The following SS18 variants were observed in gnomAD, a reference collection of about 807,000 sequenced individuals.
SS18 encodes protein SSXT.
In SS18, 28 loss-of-function variants were observed where a neutral mutation model predicts 72.5. The observed-to-expected ratio is 0.39, with a 90% CI of 0.29 to 0.53. The LOEUF (loss-of-function observed/expected upper bound fraction) is 0.53, where lower values mean the gene tolerates loss of function less well. Ranked by LOEUF, SS18 falls within the 20% of genes least tolerant of loss-of-function variation. The pLI is 0.76. For synonymous variants in SS18, 172 were observed against 164.2 expected, an observed-to-expected ratio of 1.05 and a Z score of -0.37; for missense variants, 518 against 535.3, an observed-to-expected ratio of 0.97 and a Z score of 0.32.
At chr18:26,049,030 G>A (rs2053877699) in intron 5 of SS18, among the ~76,000 whole-genome samples, 1 of 152,098 alleles carries the variant, frequency 6.6e-6, no homozygotes, top group Admixed American at 6.6e-5. Context: ...TAAGCTACAG[G>A]GGGCCAAGAC....
intron 2 of SS18, among the ~76,000 whole-genome samples, chr18:26,081,013 C>T (rs1295542937): frequency 6.8e-6 from 1 of 146,036 alleles, no homozygotes; most frequent in Non-Finnish European, 1.5e-5. Flanking sequence ...CATTTTCCCT[C>T]GTATAAGGAG....
At chr18:26,029,183 A>G (rs570667378) in intron 10 of SS18, among the ~76,000 whole-genome samples, 1 of 152,322 alleles carries the variant, frequency 6.6e-6, no homozygotes, top group East Asian at 1.9e-4. Flanking sequence ...ACTGAAGCAG[A>G]GTGAATGAGG....
intron 3 of SS18, among the ~76,000 whole-genome samples, chr18:26,075,172 T>C (rs895623479): frequency 4.6e-5 from 7 of 151,964 alleles, no homozygotes; most frequent in Admixed American, 3.3e-4. Flanking sequence ...AGAAATATTA[T>C]GTAAATTCTT....
intron 3 of SS18, among the ~76,000 whole-genome samples, chr18:26,066,538 T>C (rs1372527540): frequency 6.6e-6 from 1 of 151,964 alleles, no homozygotes. Flanking sequence ...GGACAGTCTT[T>C]CAGTTCCCTA....
intron 3 of SS18, among the ~76,000 whole-genome samples, chr18:26,069,324 G>A (rs2054272548): frequency 6.6e-6 from 1 of 151,806 alleles, no homozygotes; most frequent in South Asian, 2.1e-4. Context: ...AGTATCAAAT[G>A]AAGCTGACAC....
chr18:26,035,751 G>A lies in SS18; in HGVS notation c.973+80C>T. 1.0e-6 allele frequency: 1 copy of A among 954,642 alleles called. No homozygotes were observed. The highest frequency in any genetic ancestry group is 1.5e-6 in the Non-Finnish European group (1 of 646,686). The allele number at this position is 954,642 out of a possible 1,614,324, so 59.1% of individuals were successfully genotyped here. On this transcript the variant is annotated intron_variant, in intron 8 of 10. Transcript: ENST00000415083. The surrounding 1 kb of genome is among the most constrained non-coding windows in gnomAD (Gnocchi z 4.4). The stretch of plus-strand genomic sequence containing the variant: ...AGTATTCTACAAGAGCTTTGCATGG[G>A]TAGAAGTTGTCTTATGCAAGAATTT...
chr18:26,052,924 T>C, intron 4 of SS18, 79 bp from the exon 5 acceptor site: 1 of 1,235,468 alleles, frequency 8.1e-7, no homozygotes, highest in Non-Finnish European at 1.2e-6. Context: ...AATAATTTTT[T>C]TTTTGCATTA....
Position 26,052,849 on chromosome 18 carries a change from T to C in SS18, c.386-4A>G, listed in dbSNP as rs199647430. 6.2e-6 allele frequency: 10 copies of C among 1,609,190 alleles called. 1 individual carries two copies. In the East Asian group the frequency reaches 1.6e-4, roughly 25 times the overall value. On this transcript the variant is annotated splice_region_variant and splice_polypyrimidine_tract_variant and intron_variant, in intron 4 of 10. Transcript: ENST00000415083. ...TGCATAGGCATATGGTTAGGCCCTT[T>C]GAAGAAAAATGATCAGAAGCAAAAT...
chr18:26,042,738 T>C (rs894140797), intron 5 of SS18, among the ~76,000 whole-genome samples: 2 of 151,872 alleles, frequency 1.3e-5, no homozygotes, highest in African/African-American at 2.4e-5. Flanking sequence ...CATGGTAATA[T>C]AGAGATGTGA....
At chr18:26,024,293 G>C (rs1469711749) in intron 10 of SS18, among the ~76,000 whole-genome samples, 3 of 152,132 alleles carry the variant, frequency 2.0e-5, no homozygotes, top group Non-Finnish European at 4.4e-5. Flanking sequence ...TATCAGGCTG[G>C]TGAAAATGTT....
chr18:26,065,538 G>A (rs1272393827), intron 3 of SS18, among the ~76,000 whole-genome samples: 1 of 151,676 alleles, frequency 6.6e-6, no homozygotes, highest in Non-Finnish European at 1.5e-5. Context: ...ATTTGCAATG[G>A]ATCATGAATA....
intron 3 of SS18, among the ~76,000 whole-genome samples, chr18:26,060,691 A>AAGGC (rs1165424293): frequency 7.0e-6 from 1 of 142,814 alleles, no homozygotes; most frequent in Non-Finnish European, 1.5e-5. Context: ...TTGGGAGGCC[A>AAGGC]AGGCAGGCAG....
chr18:26,050,713 A>T (rs1004705245), intron 5 of SS18, among the ~76,000 whole-genome samples: 3 of 151,984 alleles, frequency 2.0e-5, no homozygotes, highest in Non-Finnish European at 4.4e-5. Flanking sequence ...TAAAACAATA[A>T]AGATTTCCGG....
intron 5 of SS18, among the ~76,000 whole-genome samples, chr18:26,045,139 C>G (rs2053798355): frequency 6.6e-6 from 1 of 152,226 alleles, no homozygotes; most frequent in Non-Finnish European, 1.5e-5. Context: ...AGCCTCTTAA[C>G]AGGTCTCCCT....
At chr18:26,023,945 C>G (rs78162620) in intron 10 of SS18, among the ~76,000 whole-genome samples, 2 of 151,710 alleles carry the variant, frequency 1.3e-5, no homozygotes, top group African/African-American at 4.8e-5. Context: ...AAATTTGTAA[C>G]AATAACACAA....
chr18:26,050,909 AAAAT>A (rs554116132), intron 5 of SS18, among the ~76,000 whole-genome samples: 6 of 151,632 alleles, frequency 4.0e-5, no homozygotes, highest in African/African-American at 7.3e-5. Context: ...ACGCCGTCTC[AAAAT>A]AAATAAATAA....
intron 3 of SS18, among the ~76,000 whole-genome samples, chr18:26,076,328 G>T (rs1236749572): frequency 2.0e-5 from 3 of 149,458 alleles, no homozygotes; most frequent in Non-Finnish European, 4.5e-5. Context: ...CATAAAAACA[G>T]ACCAAGGAAA....
intron 10 of SS18, among the ~76,000 whole-genome samples, chr18:26,022,498 C>G (rs191926116): frequency 1.3e-5 from 2 of 150,988 alleles, no homozygotes; most frequent in Non-Finnish European, 2.9e-5. Context: ...CAGGACAGAG[C>G]CAACAAAGGA....
chr18:26,049,606 T>G (rs563932268), intron 5 of SS18, among the ~76,000 whole-genome samples: 3 of 152,314 alleles, frequency 2.0e-5, no homozygotes, highest in East Asian at 3.9e-4. Flanking sequence ...CGAAGTCCTG[T>G]GCTCAAGTGA....
Sources: allele counts gnomAD v4.1 joint callset (sites outside exome capture counted in the v4.1 genomes callset), GRCh38; gene constraint gnomAD v4.1.1; non-coding constraint Gnocchi (gnomAD v3.1); transcripts MANE v1.5; gene names NCBI Gene and HGNC (gene_info 2026-07-23, HGNC 2026-07-21).